MEI1: variants seen among roughly 807,000 people sequenced by gnomAD.
MEI1 encodes meiotic double-stranded break formation protein 1.
MEI1 carries 103 observed loss-of-function variants against 146.2 expected under a neutral mutation model. The observed-to-expected ratio is 0.70, with a 90% CI of 0.60 to 0.83. MEI1 has a LOEUF of 0.83. Among genes scored for constraint, MEI1 ranks in the 40% least tolerant of loss-of-function variants. The probability of loss-of-function intolerance (pLI) is 0.00; values close to 1 mark genes in which losing one functional copy is unlikely to be tolerated. For missense variants in MEI1, 1,529 were observed against 1,533.0 expected (o/e 1.00, Z 0.04); for synonymous variants, 652 against 628.2 (o/e 1.04, Z -0.57).
intron 30 of MEI1, among the ~76,000 whole-genome samples, chr22:41,798,022 G>T (rs777786645): frequency 3.9e-5 from 6 of 151,942 alleles, no homozygotes; most frequent in Non-Finnish European, 8.8e-5. Context: ...TGTCTCCAAA[G>T]CTACATCACC....
At chr22:41,752,511 T>G (rs2073826008) in intron 15 of MEI1, 80 bp from the exon 16 acceptor site, 1 of 1,307,618 alleles carries the variant, frequency 7.6e-7, no homozygotes, top group Non-Finnish European at 1.1e-6. Context: ...ACCAGAGCTT[T>G]TTGATACCAC....
intron 14 of MEI1, among the ~76,000 whole-genome samples, chr22:41,747,718 ACCCCAC>A (rs1165523968): frequency 7.7e-6 from 1 of 130,258 alleles, no homozygotes; most frequent in African/African-American, 2.8e-5. Flanking sequence ...AATAAAAAAA[ACCCCAC>A]CCCCACCCCC....
At chr22:41,769,162 G>C (rs967016003) in intron 19 of MEI1, among the ~76,000 whole-genome samples, 3 of 151,740 alleles carry the variant, frequency 2.0e-5, no homozygotes, top group Non-Finnish European at 4.4e-5. Flanking sequence ...TTTTTATTTT[G>C]GAACTTAGCA....
intron 26 of MEI1, among the ~76,000 whole-genome samples, chr22:41,790,055 GT>G (rs1331093527): frequency 1.3e-5 from 2 of 152,122 alleles, no homozygotes; most frequent in Non-Finnish European, 1.5e-5. Flanking sequence ...CCTTCAACCA[GT>G]TTGTTGTTTA....
chr22:41,752,479 A>G, intron 15 of MEI1, 112 bp from the exon 16 acceptor site: 3 of 975,222 alleles, frequency 3.1e-6, no homozygotes, highest in Non-Finnish European at 4.8e-6. Flanking sequence ...TACATTTTGA[A>G]CCAAGTCTGT....
chr22:41,748,285 T>TG, intron 15 of MEI1, 67 bp downstream of exon 15: 1 of 1,019,754 alleles, frequency 9.8e-7, no homozygotes, highest in Non-Finnish European at 1.6e-6. Flanking sequence ...CAGAGAGTAT[T>TG]CAAAGAGAGG....
chr22:41,707,656 T>G (rs969205730), intron 3 of MEI1, among the ~76,000 whole-genome samples: 9 of 152,068 alleles, frequency 5.9e-5, no homozygotes, highest in Non-Finnish European at 1.3e-4. Flanking sequence ...AAAAAAGTGT[T>G]AAGGGGATAC....
Position 41,729,706 on chromosome 22 carries a change from T to G in MEI1, c.906T>G (p.Ala302=). Residue 302 remains alanine, a synonymous_variant, in exon 8 of 31, where the codon GCT becomes GCG. Coordinates refer to ENST00000401548, the MANE Select transcript of MEI1 (RefSeq NM_152513.4). ...ATGAAACCCTGCAGGTGGCCAGTGC[T>G]CACTGTATAACTGCGGTGCTTGTCC... ...SRDETLQVAS[A]HCITAVLVHS... is the part of the protein sequence containing the mutation. The G allele has an allele frequency of 6.2e-7, 1 of 1,612,430 alleles. No homozygotes were observed. The highest frequency in any genetic ancestry group is 8.5e-7 in the Non-Finnish European group (1 of 1,179,370).
rs1240836627 is a variant in MEI1, at chr22:41,795,924, A to G, written c.3779+77A>G. The G allele has an allele frequency of 6.2e-7, 1 of 1,612,210 alleles. No homozygotes were observed. Among genetic ancestry groups the G allele is most frequent in the Non-Finnish European group, 8.5e-7 (1 of 1,179,438 alleles). On this transcript the variant is annotated intron_variant, in intron 30 of 30. Transcript: ENST00000401548. This position sits in a 1 kb window ranked among gnomAD's most constrained non-coding sequence, Gnocchi z 4.2. ...GGGGCTTCTCTTCCTGGGCCAGTTT[A>G]TGCGGTACCGGAGTAGCAGTGTCCT...
At chr22:41,738,667 G>A (rs1204900688) in intron 11 of MEI1, among the ~76,000 whole-genome samples, 3 of 151,000 alleles carry the variant, frequency 2.0e-5, no homozygotes, top group South Asian at 2.1e-4. Context: ...AGTTACTTGC[G>A]AGGCTGAGGC....
rs1273283753 is a variant in MEI1 at position 41,754,089 on chromosome 22, CT to C, written c.1951+46del. On this transcript the variant is annotated intron_variant, in intron 17 of 30. Coordinates refer to ENST00000401548, the MANE Select transcript of MEI1 (RefSeq NM_152513.4). ...GACCACTCATGTGGCCTGTGCTGGT[CT>C]TTAGAGTCTGGGTGCCTTGCTGATT... 5 of 1,434,906 alleles carry C rather than the reference CT, an allele frequency of 3.5e-6. No homozygotes were observed. The Admixed American group carries it at 5.0e-5, about 14-fold the overall frequency. 88.9% of individuals were successfully genotyped at this position (1,434,906 alleles called of 1,614,324 possible).
chr22:41,796,273 C>T (rs1331975327), intron 30 of MEI1, among the ~76,000 whole-genome samples: 5 of 151,960 alleles, frequency 3.3e-5, no homozygotes, highest in East Asian at 1.9e-4. Flanking sequence ...CTGTAACCTC[C>T]GCCTCCCAGG....
rs386395490 is a variant in MEI1 at position 41,729,164 on chromosome 22, CA to C, written c.865-482del. 7.7e-4 allele frequency among the ~76,000 whole-genome samples: 58 copies of C among 75,098 alleles called. 1 individual carries two copies. Among genetic ancestry groups the C allele is most frequent in the Admixed American group, 8.9e-4 (5 of 5,600 alleles). 49.3% of individuals were successfully genotyped at this position (75,098 alleles called of 152,430 possible). ...TGGGCGACAGAGTGAGACTCCGTCT[CA>C]AAAAAAAAAAAAAAAAAAGGTACCA... On this transcript the variant is annotated intron_variant, in intron 7 of 30. Coordinates refer to ENST00000401548, the MANE Select transcript of MEI1 (RefSeq NM_152513.4).
chr22:41,744,872 A>G lies in MEI1; in HGVS notation c.1447-101A>G, dbSNP rs916561240. ...GGAAAGTTAGGTGTATGGGAATGTCAGACTGCAGTGTGAGAAGAAGAGGTC... is the reference window on the plus strand; with the variant it reads ...GGAAAGTTAGGTGTATGGGAATGTCGGACTGCAGTGTGAGAAGAAGAGGTC... On this transcript the variant is annotated intron_variant, in intron 12 of 30. Transcript: ENST00000401548. 6.1e-4 allele frequency: 331 copies of G among 540,124 alleles called. 3 individuals are homozygous for G. Among genetic ancestry groups the G allele is most frequent in the Middle Eastern group, 6.0e-4 (2 of 3,314 alleles). 33.5% of individuals were successfully genotyped at this position (540,124 alleles called of 1,614,324 possible).
rs1415931778 is a variant in MEI1, at chr22:41,775,750, C to T, written c.2545-352C>T. Among the ~76,000 whole-genome samples the T allele has an allele frequency of 3.3e-5, 5 of 152,006 alleles. No individual in the cohort carries two copies. The East Asian group carries it at 5.8e-4, about 18-fold the overall frequency. On this transcript the variant is annotated intron_variant, in intron 20 of 30. Transcript: ENST00000401548. ...CTGGGACTACAGGCACTTGCCACCA[C>T]GCCCAGCTAATTTTTTTGTATTTTT...
At chr22:41,790,255 T>C (rs900559307) in intron 26 of MEI1, among the ~76,000 whole-genome samples, 1 of 152,096 alleles carries the variant, frequency 6.6e-6, no homozygotes, top group Non-Finnish European at 1.5e-5. Flanking sequence ...GCTAATTTTT[T>C]GTATGTTTAG....
At chr22:41,771,973 T>G (rs2148057925) in intron 20 of MEI1, among the ~76,000 whole-genome samples, 1 of 152,342 alleles carries the variant, frequency 6.6e-6, no homozygotes, top group Non-Finnish European at 1.5e-5. Flanking sequence ...AATACAGTCA[T>G]GCATTGCTTA....
chr22:41,740,723 C>T (rs1441831109), intron 11 of MEI1, among the ~76,000 whole-genome samples: 1 of 151,842 alleles, frequency 6.6e-6, no homozygotes, highest in Non-Finnish European at 1.5e-5. Flanking sequence ...GAGCGAGACC[C>T]TGTCTCAAAA....
intron 3 of MEI1, among the ~76,000 whole-genome samples, chr22:41,710,832 T>C (rs1346255476): frequency 6.6e-6 from 1 of 152,228 alleles, no homozygotes; most frequent in African/African-American, 2.4e-5. Context: ...GACAAATCTC[T>C]GCCTCTCCAT....
Sources: allele counts gnomAD v4.1 joint callset (sites outside exome capture counted in the v4.1 genomes callset), GRCh38; gene constraint gnomAD v4.1.1; non-coding constraint Gnocchi (gnomAD v3.1); transcripts MANE v1.5; gene names NCBI Gene and HGNC (gene_info 2026-07-23, HGNC 2026-07-21).